The following FKBP4 variants were observed in gnomAD, a reference collection of about 807,000 sequenced individuals.
The protein encoded by FKBP4 is FKBP prolyl isomerase 4.
FKBP4 carries 28 observed loss-of-function variants against 54.1 expected under a neutral mutation model. The ratio of observed to expected loss-of-function variants is 0.52; its 90% CI spans 0.38 to 0.71. FKBP4 has a LOEUF of 0.71. FKBP4 is among the 30% of genes least tolerant of loss of function. FKBP4 has a pLI of 0.00. For synonymous variants in FKBP4, 223 were observed against 216.1 expected (o/e 1.03, Z -0.28); for missense variants, 493 against 574.4 (o/e 0.86, Z 1.45).
In FKBP4 at chr12:2,795,264, GC is replaced by G; in HGVS notation, c.105+21del. On this transcript the variant is annotated intron_variant, in intron 1 of 9. Transcript: ENST00000001008. This position sits in a 1 kb window ranked among gnomAD's most constrained non-coding sequence, Gnocchi z 4.3. Reference sequence around the variant, plus strand: ...CTGAAGGTGAGGGGCGGCGGGGCCTGCGGAGGCGTCGGAACCCGGGGCCCCG... The same window carrying G: ...CTGAAGGTGAGGGGCGGCGGGGCCTGGGAGGCGTCGGAACCCGGGGCCCCG... The G allele has an allele frequency of 7.9e-7, 1 of 1,272,922 alleles. No homozygotes were observed. The allele number at this position is 1,272,922 out of a possible 1,614,324, so 78.9% of individuals were successfully genotyped here.
At chr12:2,801,080 A>G (rs1448407101) in intron 8 of FKBP4, 37 bp from the exon 9 acceptor site, 7 of 1,610,482 alleles carry the variant, frequency 4.3e-6, no homozygotes, top group East Asian at 4.5e-5. Flanking sequence ...ACAAGCCCTG[A>G]GCTCCCACAA....
At position 2,795,713 on chromosome 12, in the gene FKBP4, C is replaced by T. The variant is rs1416713759; in HGVS notation, c.105+469C>T. The T allele has an allele frequency of 2.6e-5, 4 of 153,430 alleles. No individual in the cohort carries two copies. Among genetic ancestry groups the T allele is most frequent in the African/African-American group, 9.7e-5 (4 of 41,404 alleles). The allele number at this position is 153,430 out of a possible 1,614,324, so 9.5% of individuals were successfully genotyped here. A position where few individuals can be genotyped will look rare whatever the true frequency, so the allele number is the denominator to read the frequency against. On this transcript the variant is annotated intron_variant, in intron 1 of 9. Coordinates refer to ENST00000001008, the MANE Select transcript of FKBP4 (RefSeq NM_002014.4). The surrounding 1 kb of genome is among the most constrained non-coding windows in gnomAD (Gnocchi z 4.3). ...TGGTGGCGGTGCCAGGGCTCGCCCA[C>T]CCGGGCGGTGGAACACGGGCCAGGA...
rs1185879309 is a variant in FKBP4, at chr12:2,798,959, A to G, written c.515-129A>G. On this transcript the variant is annotated intron_variant, in intron 4 of 9. Transcript: ENST00000001008. The surrounding 1 kb of genome is among the most constrained non-coding windows in gnomAD (Gnocchi z 4.3). ...TGAGGGGTTGGACCATATTCTCTTC[A>G]TATCACTCCAGATTTGAGAACACAG... The G allele has an allele frequency of 2.0e-5, 28 of 1,390,664 alleles. No homozygotes were observed. The highest frequency in any genetic ancestry group is 2.7e-5 in the South Asian group (2 of 74,984). 86.1% of individuals were successfully genotyped at this position (1,390,664 alleles called of 1,614,324 possible). A position where few individuals can be genotyped will look rare whatever the true frequency, so the allele number is the denominator to read the frequency against.
chr12:2,796,337 T>G, intron 1 of FKBP4: 1 of 1,289,210 alleles, frequency 7.8e-7, no homozygotes, highest in Non-Finnish European at 1.0e-6. Context: ...CGCTCCAGCG[T>G]CCTGCCGTTT....
Position 2,798,953 on chromosome 12 carries a change from C to T in FKBP4, c.514+127C>T. Reference sequence around the variant, plus strand: ...ATAAAATGAGGGGTTGGACCATATTCTCTTCATATCACTCCAGATTTGAGA... The same window carrying T: ...ATAAAATGAGGGGTTGGACCATATTTTCTTCATATCACTCCAGATTTGAGA... On this transcript the variant is annotated intron_variant, in intron 4 of 9. Transcript: ENST00000001008. This position sits in a 1 kb window ranked among gnomAD's most constrained non-coding sequence, Gnocchi z 4.3. The T allele has an allele frequency of 7.2e-7, 1 of 1,390,550 alleles. No homozygotes were observed. Among genetic ancestry groups the T allele is most frequent in the African/African-American group, 1.4e-5 (1 of 69,992 alleles). 86.1% of individuals were successfully genotyped at this position (1,390,550 alleles called of 1,614,324 possible).
rs904014194 is a variant in FKBP4 at position 2,805,282 on chromosome 12, C to A, written c.*2024C>A. On this transcript the variant is annotated 3_prime_UTR_variant, in exon 10 of 10. Coordinates refer to ENST00000001008, the MANE Select transcript of FKBP4 (RefSeq NM_002014.4). ...GGGCTTCTGTCCTCATCTGCAAAATCGAAAGCATTCCTGAGGTTTCTTCCA... is the reference window on the plus strand; with the variant it reads ...GGGCTTCTGTCCTCATCTGCAAAATAGAAAGCATTCCTGAGGTTTCTTCCA... The A allele has an allele frequency of 4.7e-6, 2 of 424,626 alleles. No individual in the cohort carries two copies. Among genetic ancestry groups the A allele is most frequent in the Non-Finnish European group, 9.3e-6 (2 of 215,174 alleles). The allele number at this position is 424,626 out of a possible 1,614,324, so 26.3% of individuals were successfully genotyped here.
Position 2,795,240 on chromosome 12 carries a change from T to C in FKBP4, c.101T>C (p.Leu34Pro). Residue 34 changes from leucine (L) to proline (P), a missense_variant, in exon 1 of 10, where the codon CTG (leucine) becomes CCG (proline). Coordinates refer to ENST00000001008, the MANE Select transcript of FKBP4 (RefSeq NM_002014.4). This position sits in a 1 kb window ranked among gnomAD's most constrained non-coding sequence, Gnocchi z 4.3. ...AGCCCCAAACAGGACGAAGGCGTGC[T>C]GAAGGTGAGGGGCGGCGGGGCCTGC... ...DISPKQDEGVLKVIKREGTGT... is the reference protein window; with the variant it reads ...DISPKQDEGVPKVIKREGTGT... 1 of 1,326,224 alleles carries C rather than the reference T, an allele frequency of 7.5e-7. No individual in the cohort carries two copies. The highest frequency in any genetic ancestry group is 9.7e-7 in the Non-Finnish European group (1 of 1,030,428). 82.2% of individuals were successfully genotyped at this position (1,326,224 alleles called of 1,614,324 possible). A position where few individuals can be genotyped will look rare whatever the true frequency, so the allele number is the denominator to read the frequency against.
At chr12:2,796,399 C>T in intron 1 of FKBP4, 3 of 1,288,482 alleles carry the variant, frequency 2.3e-6, no homozygotes, top group Non-Finnish European at 1.0e-6. Flanking sequence ...ATCCATCATT[C>T]CTTCCCTTTT....
In FKBP4 at chr12:2,797,847, C is replaced by T. The variant is rs564994288; in HGVS notation, c.369C>T (p.Pro123=). The change falls in exon 3 of 10, where the codon CCC becomes CCT. Residue 123 remains proline (P), a synonymous_variant. Coordinates refer to ENST00000001008, the MANE Select transcript of FKBP4 (RefSeq NM_002014.4). The stretch of plus-strand genomic sequence containing the variant: ...CAGCAGGCAGTCCTCCAAAGATTCC[C>T]CCCAATGCCACGCTTGTATTTGAGG... ...YGSAGSPPKI[P]PNATLVFEVE... is the part of the protein sequence containing the mutation. 156 of 1,613,996 alleles carry T rather than the reference C, an allele frequency of 9.7e-5. 2 individuals carry two copies. The South Asian group carries it at 1.6e-3, about 16-fold the overall frequency.
chr12:2,795,313 C>G lies in FKBP4; in HGVS notation c.105+69C>G. On this transcript the variant is annotated intron_variant, in intron 1 of 9. Transcript: ENST00000001008. This position sits in a 1 kb window ranked among gnomAD's most constrained non-coding sequence, Gnocchi z 4.3. Reference sequence around the variant, plus strand: ...CCGCGGGCCGCCCTTCCGCCGCGCCCGGAGCCCGCGGCCGGGCACGGGTCG... The same window carrying G: ...CCGCGGGCCGCCCTTCCGCCGCGCCGGGAGCCCGCGGCCGGGCACGGGTCG... 1.2e-6 allele frequency: 1 copy of G among 848,842 alleles called. No individual in the cohort carries two copies. Among genetic ancestry groups the G allele is most frequent in the African/African-American group, 1.8e-5 (1 of 54,648 alleles). 52.6% of individuals were successfully genotyped at this position (848,842 alleles called of 1,614,324 possible). A position where few individuals can be genotyped will look rare whatever the true frequency, so the allele number is the denominator to read the frequency against.
chr12:2,797,714 C>T lies in FKBP4; in HGVS notation c.251-15C>T, dbSNP rs1447329837. 1.9e-6 allele frequency: 3 copies of T among 1,606,788 alleles called. No homozygotes were observed. Among genetic ancestry groups the T allele is most frequent in the East Asian group, 2.2e-5 (1 of 44,712 alleles). On this transcript the variant is annotated splice_polypyrimidine_tract_variant and intron_variant, in intron 2 of 9. Transcript: ENST00000001008. ...AACCCTGCTAAGGCGGTCCTGTTTG[C>T]TTCTGTACCTGCAGGGGAGGTCATC... is the stretch of plus-strand genomic sequence containing the variant.
At position 2,795,972 on chromosome 12, in the gene FKBP4, G is replaced by A; in HGVS notation, c.105+728G>A. 1 of 1,070,374 alleles carries A rather than the reference G, an allele frequency of 9.3e-7. No individual in the cohort carries two copies. The highest frequency in any genetic ancestry group is 1.1e-6 in the Non-Finnish European group (1 of 878,074). 66.3% of individuals were successfully genotyped at this position (1,070,374 alleles called of 1,614,324 possible). ...TCCCGGAGCCAGGGCTGCGGGGTGT[G>A]GGGCGGGGAGGAGGCGCTCTGCTGT... On this transcript the variant is annotated intron_variant, in intron 1 of 9. Transcript: ENST00000001008. This position sits in a 1 kb window ranked among gnomAD's most constrained non-coding sequence, Gnocchi z 4.3.
chr12:2,801,235 C>T lies in FKBP4; in HGVS notation c.1151C>T (p.Pro384Leu). The T allele has an allele frequency of 3.1e-6, 5 of 1,613,456 alleles. No homozygotes were observed. Among genetic ancestry groups the T allele is most frequent in the Non-Finnish European group, 4.2e-6 (5 of 1,180,054 alleles). ...ADFQKVLQLY[P>L]NNKAAKTQLA... ...TTCCAGAAGGTCCTGCAGCTCTACC[C>T]CAACAACAAAGCCGCCAAGACCCAG... Residue 384 changes from proline to leucine, a missense_variant, in exon 9 of 10, where the codon CCC becomes CTC. Transcript: ENST00000001008.
At chr12:2,800,163 A>T (rs1335284237) in intron 7 of FKBP4, 41 bp downstream of exon 7, 1 of 1,593,942 alleles carries the variant, frequency 6.3e-7, no homozygotes, top group South Asian at 1.1e-5. Context: ...TCCCAGGAAG[A>T]GTTGCTCTGA....
chr12:2,798,766 C>A lies in FKBP4; in HGVS notation c.454C>A (p.Arg152Ser), dbSNP rs142464168. Residue 152 changes from arginine (R) to serine (S), a missense_variant, in exon 4 of 10, where the codon CGC (arginine) becomes AGC (serine). By Grantham distance (110) the Arg-to-Ser change is moderately radical. Transcript: ENST00000001008. This position sits in a 1 kb window ranked among gnomAD's most constrained non-coding sequence, Gnocchi z 4.3. ...LTEEEDGGII[R>S]RIQTRGEGYA... ...GGAAGAGGAAGATGGCGGAATCATT[C>A]GCAGAATACAGACTCGCGGTGAAGG... The A allele has an allele frequency of 3.1e-6, 5 of 1,613,940 alleles. No homozygotes were observed. Among genetic ancestry groups the A allele is most frequent in the African/African-American group, 1.3e-5 (1 of 75,028 alleles).
At position 2,803,795 on chromosome 12, in the gene FKBP4, CT is replaced by C. The variant is rs2097906135; in HGVS notation, c.*538del. 6.5e-6 allele frequency: 1 copy of C among 153,630 alleles called. No homozygotes were observed. The highest frequency in any genetic ancestry group is 1.5e-5 in the Non-Finnish European group (1 of 68,718). The allele number at this position is 153,630 out of a possible 1,614,324, so 9.5% of individuals were successfully genotyped here. A position where few individuals can be genotyped will look rare whatever the true frequency, so the allele number is the denominator to read the frequency against. Reference sequence around the variant, plus strand: ...CTTCTGGTGTCATGGTGACCACCCCCTGTTCCCTGTTCTGGTATTTCCCCTG... The same window carrying C: ...CTTCTGGTGTCATGGTGACCACCCCCGTTCCCTGTTCTGGTATTTCCCCTG... On this transcript the variant is annotated 3_prime_UTR_variant, in exon 10 of 10. Coordinates refer to ENST00000001008, the MANE Select transcript of FKBP4 (RefSeq NM_002014.4).
At chr12:2,801,919 A>G in intron 9 of FKBP4, 1 of 160,506 alleles carries the variant, frequency 6.2e-6, no homozygotes, top group East Asian at 1.8e-4. Context: ...GCACAGGCAG[A>G]CGTTCCTGTT....
Position 2,795,032 on chromosome 12 carries a change from G to C in FKBP4, c.-108G>C. On this transcript the variant is annotated 5_prime_UTR_variant, in exon 1 of 10. Transcript: ENST00000001008. The surrounding 1 kb of genome is among the most constrained non-coding windows in gnomAD (Gnocchi z 4.3). ...AGCCTCCTCGCGGTCCGCAGTCAGT[G>C]CCGCCGCGCCCGGCCTCCCGCACGC... The C allele has an allele frequency of 5.3e-6, 3 of 562,170 alleles. No individual in the cohort carries two copies. Among genetic ancestry groups the C allele is most frequent in the Non-Finnish European group, 7.7e-6 (3 of 387,976 alleles). The allele number at this position is 562,170 out of a possible 1,614,324, so 34.8% of individuals were successfully genotyped here. A position where few individuals can be genotyped will look rare whatever the true frequency, so the allele number is the denominator to read the frequency against.
At position 2,795,160 on chromosome 12, in the gene FKBP4, G is replaced by A; in HGVS notation, c.21G>A (p.Lys7=). The A allele has an allele frequency of 1.5e-6, 2 of 1,312,822 alleles. No individual in the cohort carries two copies. The highest frequency in any genetic ancestry group is 2.0e-6 in the Non-Finnish European group (2 of 1,022,310). The allele number at this position is 1,312,822 out of a possible 1,614,324, so 81.3% of individuals were successfully genotyped here. ...CGGAGATGACAGCCGAGGAGATGAA[G>A]GCGACCGAGAGCGGGGCGCAGTCGG... MTAEEM[K]ATESGAQSAP... Residue 7 remains lysine, a synonymous_variant, in exon 1 of 10, where the codon AAG becomes AAA. Transcript: ENST00000001008. This position sits in a 1 kb window ranked among gnomAD's most constrained non-coding sequence, Gnocchi z 4.3.
Sources: gnomAD v4.1 joint callset for allele counts on GRCh38, gnomAD v4.1.1 for gene constraint, Gnocchi (gnomAD v3.1) non-coding constraint, MANE v1.5 for transcripts, NCBI Gene and HGNC (gene_info 2026-07-23, HGNC 2026-07-21) for gene names.